Variants in CD160 observed in about 807,000 individuals in gnomAD.
The protein encoded by CD160 is CD160 molecule, also known as CD160 antigen.
CD160 carries 11 observed loss-of-function variants against 19.2 expected under a neutral mutation model. That is an observed-to-expected ratio of 0.57 (90% CI 0.36 to 0.95). The LOEUF is 0.95. Among genes scored for constraint, CD160 ranks in the 40% least tolerant of loss-of-function variants. The pLI is 0.01. For synonymous variants in CD160, 75 were observed against 81.1 expected, an observed-to-expected ratio of 0.93 and a Z score of 0.40; for missense variants, 182 against 213.2, an observed-to-expected ratio of 0.85 and a Z score of 0.91.
In CD160 at chr1:145,731,021, G is replaced by C. The variant is rs1553709155; in HGVS notation, c.351G>C (p.Gln117His). The change falls in exon 4 of 6, where the codon CAG becomes CAC. Residue 117 changes from glutamine to histidine, a missense_variant. Physicochemically the swap from Gln to His is conservative, Grantham distance 24. Transcript: ENST00000369288. ...CCTACCAGTGTTGTGCCAGAAGCCA[G>C]AAGTCAGGTATCCGCCTTCAGGGCC... is the stretch of plus-strand genomic sequence containing the variant. The part of the protein sequence containing the change: ...SGTYQCCARS[Q>H]KSGIRLQGHF... The C allele has an allele frequency of 6.2e-7, 1 of 1,614,174 alleles. No individual in the cohort carries two copies. Among genetic ancestry groups the C allele is most frequent in the Admixed American group, 1.7e-5 (1 of 60,016 alleles).
Position 145,730,104 on chromosome 1 carries a change from C to T in CD160, c.74-640C>T, listed in dbSNP as rs144261933. ...TTGGGAGGCAGAGGCAGGAGGGTTG[C>T]TTGATGCCTAGAGTTCAAGACTAGC... On this transcript the variant is annotated intron_variant, in intron 3 of 5. Coordinates refer to ENST00000369288, the MANE Select transcript of CD160 (RefSeq NM_007053.4). Among the ~76,000 whole-genome samples the T allele has an allele frequency of 8.7e-3, 1,324 of 152,268 alleles. 19 individuals carry two copies. The highest frequency in any genetic ancestry group is 0.03 in the African/African-American group (1,262 of 41,542).
At chr1:145,724,182 T>A (rs1553708128) in intron 1 of CD160, among the ~76,000 whole-genome samples, 1 of 152,240 alleles carries the variant, frequency 6.6e-6, no homozygotes, top group Non-Finnish European at 1.5e-5. Context: ...TTTTAATTTG[T>A]ACTTCCCTGA....
At chr1:145,733,787 ACT>A (rs1207550944) in intron 4 of CD160, among the ~76,000 whole-genome samples, 1 of 151,042 alleles carries the variant, frequency 6.6e-6, no homozygotes, top group Non-Finnish European at 1.5e-5. Flanking sequence ...ATTCCCCAAG[ACT>A]CACTTCTCAC....
chr1:145,727,887 G>T (rs1231717517), intron 2 of CD160, among the ~76,000 whole-genome samples: 1 of 152,046 alleles, frequency 6.6e-6, no homozygotes, highest in Non-Finnish European at 1.5e-5. Context: ...AGCTAGCAAG[G>T]GCACGAGGAA....
intron 4 of CD160, 92 bp downstream of exon 4, chr1:145,731,162 G>GA: frequency 1.0e-6 from 1 of 988,840 alleles, no homozygotes; most frequent in Non-Finnish European, 1.5e-6. Context: ...TCCTGGAAAG[G>GA]CAGTTTCCTT....
intron 3 of CD160, among the ~76,000 whole-genome samples, chr1:145,728,855 ACT>A (rs1458634899): frequency 6.6e-6 from 1 of 151,964 alleles, no homozygotes; most frequent in Non-Finnish European, 1.5e-5. Flanking sequence ...TCTATCAGAC[ACT>A]CTGTCTCTGC....
chr1:145,725,281 A>C (rs1229714320), intron 2 of CD160, among the ~76,000 whole-genome samples: 1 of 151,790 alleles, frequency 6.6e-6, no homozygotes, highest in African/African-American at 2.4e-5. Context: ...AGCCGAGCGC[A>C]GTGGCAGGCG....
At chr1:145,729,322 G>A (rs963173495) in intron 3 of CD160, among the ~76,000 whole-genome samples, 20 of 152,226 alleles carry the variant, frequency 1.3e-4, no homozygotes, top group African/African-American at 4.6e-4. Flanking sequence ...TGTATACCAA[G>A]GGGAGTCTTA....
intron 1 of CD160, among the ~76,000 whole-genome samples, chr1:145,722,737 GC>G (rs1480164618): frequency 6.6e-6 from 1 of 152,028 alleles, no homozygotes; most frequent in African/African-American, 2.4e-5. Context: ...GACTACAGGC[GC>G]CCGCCACCAC....
At chr1:145,725,141 C>G (rs587629596) in intron 2 of CD160, among the ~76,000 whole-genome samples, 2 of 151,320 alleles carry the variant, frequency 1.3e-5, no homozygotes, top group South Asian at 4.3e-4. Context: ...CATACTAGGC[C>G]GGGCGTGGTG....
intron 5 of CD160, chr1:145,737,378 C>G: frequency 6.6e-6 from 1 of 152,320 alleles, no homozygotes; most frequent in East Asian, 1.9e-4. Flanking sequence ...ACATCCTTCA[C>G]CACCCCATTC....
At position 145,730,841 on chromosome 1, in the gene CD160, A is replaced by G; in HGVS notation, c.171A>G (p.Val57=). The G allele has an allele frequency of 1.9e-6, 3 of 1,614,146 alleles. No individual in the cohort carries two copies. Among genetic ancestry groups the G allele is most frequent in the Non-Finnish European group, 2.5e-6 (3 of 1,179,980 alleles). Residue 57 remains valine (V), a synonymous_variant, in exon 4 of 6, where the codon GTA becomes GTG. Transcript: ENST00000369288. ...AGAAAGAAGAGGCTGAGGGGTTTGT[A>G]GTGTTTTTGTGCAAGGACAGGTCTG... ...WHKKEEAEGF[V]VFLCKDRSGD...
intron 2 of CD160, among the ~76,000 whole-genome samples, chr1:145,726,667 AC>A (rs1384053642): frequency 6.6e-6 from 1 of 152,170 alleles, no homozygotes; most frequent in Non-Finnish European, 1.5e-5. Flanking sequence ...CCAACATGAA[AC>A]ATGTACAACT....
rs144729925 is a variant in CD160, at chr1:145,734,172, G to A, written c.401-1825G>A. ...CTTTCCTTCCAAAGGTGTTTTTCAG[G>A]TCTTCATCACCTCACACTTAACATA... On this transcript the variant is annotated intron_variant, in intron 4 of 5. Transcript: ENST00000369288. Among the ~76,000 whole-genome samples the A allele has an allele frequency of 2.0e-4, 30 of 152,192 alleles. No homozygotes were observed. The East Asian group carries it at 5.2e-3, about 26-fold the overall frequency.
chr1:145,736,018 C>T lies in CD160; in HGVS notation c.422C>T (p.Thr141Met), dbSNP rs587641320. The T allele has an allele frequency of 8.7e-6, 14 of 1,613,092 alleles. No homozygotes were observed. Among genetic ancestry groups the T allele is most frequent in the Admixed American group, 3.3e-5 (2 of 59,992 alleles). The change falls in exon 5 of 6, where the codon ACG becomes ATG. Residue 141 changes from threonine (T) to methionine (M), a missense_variant. Physicochemically the swap from Thr to Met is moderately conservative, Grantham distance 81. Coordinates refer to ENST00000369288, the MANE Select transcript of CD160 (RefSeq NM_007053.4). ...CCAGAGACAGGGAACTACACAGTGA[C>T]GGGATTGAAACAAAGACAACACCTT... ...LFTETGNYTV[T>M]GLKQRQHLEF... is the part of the protein sequence containing the mutation.
chr1:145,738,394 C>A (rs2101420350), intron 5 of CD160, 92 bp from the exon 6 acceptor site: 1 of 772,354 alleles, frequency 1.3e-6, no homozygotes, highest in Non-Finnish European at 1.9e-6. Flanking sequence ...GCCTATCACG[C>A]ACGCATCTCA....
At chr1:145,722,892 C>A (rs1036929829) in intron 1 of CD160, among the ~76,000 whole-genome samples, 16 of 152,268 alleles carry the variant, frequency 1.1e-4, no homozygotes, top group African/African-American at 3.9e-4. Context: ...CCGCGCCCGG[C>A]GCCACTATTA....
At chr1:145,736,510 T>C (rs1352132321) in intron 5 of CD160, 1 of 334,904 alleles carries the variant, frequency 3.0e-6, no homozygotes, top group Admixed American at 4.1e-5. Flanking sequence ...GAGATGGGTT[T>C]TGAACAATGC....
intron 2 of CD160, among the ~76,000 whole-genome samples, chr1:145,725,805 T>C (rs781913938): frequency 6.6e-6 from 1 of 152,104 alleles, no homozygotes. Context: ...AATATTTTTC[T>C]GGAGATATTA....
Sources: gnomAD v4.1 joint callset for allele counts (sites outside exome capture counted in the v4.1 genomes callset) on GRCh38, gnomAD v4.1.1 for gene constraint, MANE v1.5 for transcripts, NCBI Gene and HGNC (gene_info 2026-07-23, HGNC 2026-07-21) for gene names.